SLC8A3: variants seen among roughly 807,000 people sequenced by gnomAD.
SLC8A3 encodes solute carrier family 8 member A3, also known as sodium/calcium exchanger 3.
Under a neutral mutation model 65.4 loss-of-function variants are expected in SLC8A3, and 37 were observed. The ratio of observed to expected loss-of-function variants is 0.57; its 90% confidence interval spans 0.44 to 0.74. The LOEUF (loss-of-function observed/expected upper bound fraction) is 0.74, where lower values mean the gene tolerates loss of function less well. Among genes scored for constraint, SLC8A3 ranks in the 30% least tolerant of loss-of-function variants. SLC8A3 has a pLI of 0.00. For missense variants in SLC8A3, 1,112 were observed against 1,172.1 expected (o/e 0.95, Z 0.75); for synonymous variants, 461 against 444.5 (o/e 1.04, Z -0.47).
chr14:70,179,761 A>G lies in SLC8A3; in HGVS notation c.-63+8618T>C, dbSNP rs142476988. 2.6e-3 allele frequency among the ~76,000 whole-genome samples: 389 copies of G among 152,326 alleles called. 3 individuals are homozygous for G. The highest frequency in any genetic ancestry group is 8.9e-3 in the African/African-American group (369 of 41,578). The stretch of plus-strand genomic sequence containing the variant: ...TTATACTGCATCATTCATTCAATAA[A>G]TATTAAACAATGCTATGTGCCAGGG... On this transcript the variant is annotated intron_variant, in intron 1 of 6. Coordinates refer to ENST00000356921, the MANE Select transcript of SLC8A3 (RefSeq NM_182932.3).
At chr14:70,184,520 C>A (rs920340427) in intron 1 of SLC8A3, among the ~76,000 whole-genome samples, 1 of 152,196 alleles carries the variant, frequency 6.6e-6, no homozygotes, top group Non-Finnish European at 1.5e-5. Context: ...ACTCTCCTCT[C>A]CTCTTTACTT....
In SLC8A3 at chr14:70,046,334, A is replaced by G. The variant is rs764499536; in HGVS notation, c.2390-11T>C. 22 of 1,593,172 alleles carry G rather than the reference A, an allele frequency of 1.4e-5. No individual in the cohort carries two copies. Among genetic ancestry groups the G allele is most frequent in the Non-Finnish European group, 1.7e-5 (20 of 1,168,456 alleles). ...TGCTGGCAAACGTATCTGGAAAAGG[A>G]CAAAGACACATGGGAACTGGTAGGA... On this transcript the variant is annotated splice_polypyrimidine_tract_variant and intron_variant, in intron 6 of 6. Coordinates refer to ENST00000356921, the MANE Select transcript of SLC8A3 (RefSeq NM_182932.3). This position sits in a 1 kb window ranked among gnomAD's most constrained non-coding sequence, Gnocchi z 4.2.
rs145904628 is a variant in SLC8A3 at position 70,175,511 on chromosome 14, T to C, written c.-62-7027A>G. Among the ~76,000 whole-genome samples, 12 of 152,250 alleles carry C rather than the reference T, an allele frequency of 7.9e-5. No individual in the cohort carries two copies. In the East Asian group the frequency reaches 1.4e-3, roughly 17 times the overall value. ...ATCAAGATCCCTTAGGTGAAGAACT[T>C]TGGGCTCCAGAAAGTTCTGTGTCTT... On this transcript the variant is annotated intron_variant, in intron 1 of 6. Transcript: ENST00000356921.
intron 2 of SLC8A3, among the ~76,000 whole-genome samples, chr14:70,081,117 A>T (rs1891017023): frequency 6.6e-6 from 1 of 152,234 alleles, no homozygotes; most frequent in Non-Finnish European, 1.5e-5. Flanking sequence ...AGCGGATACA[A>T]GCCGAGACAC....
Position 70,079,211 on chromosome 14 carries a change from C to T in SLC8A3, c.1785-18272G>A, listed in dbSNP as rs973757484. 9.9e-5 allele frequency among the ~76,000 whole-genome samples: 15 copies of T among 151,548 alleles called. No individual in the cohort carries two copies. The South Asian group carries it at 1.2e-3, about 13-fold the overall frequency. ...AATATCTGTTGAATGAGGCTAGGCACGGTAGCTCACACCTGTAACCACAGC... is the reference window on the plus strand; with the variant it reads ...AATATCTGTTGAATGAGGCTAGGCATGGTAGCTCACACCTGTAACCACAGC... On this transcript the variant is annotated intron_variant, in intron 2 of 6. Coordinates refer to ENST00000356921, the MANE Select transcript of SLC8A3 (RefSeq NM_182932.3).
intron 2 of SLC8A3, among the ~76,000 whole-genome samples, chr14:70,151,499 G>A (rs912059325): frequency 1.7e-5 from 2 of 119,180 alleles, no homozygotes; most frequent in African/African-American, 7.3e-5. Flanking sequence ...CCTGCCTTGA[G>A]AGCTGTGGGT....
intron 1 of SLC8A3, among the ~76,000 whole-genome samples, chr14:70,182,612 T>G (rs1388975546): frequency 6.6e-6 from 1 of 152,056 alleles, no homozygotes; most frequent in African/African-American, 2.4e-5. Context: ...CATTATATTT[T>G]GGGGAATGAG....
At chr14:70,097,527 C>A (rs188891560) in intron 2 of SLC8A3, among the ~76,000 whole-genome samples, 73 of 152,228 alleles carry the variant, frequency 4.8e-4, no homozygotes, top group African/African-American at 1.7e-3. Context: ...AATGAGTTTC[C>A]CAACCTCTCT....
At chr14:70,072,084 A>G (rs1029911527) in intron 2 of SLC8A3, among the ~76,000 whole-genome samples, 1 of 152,200 alleles carries the variant, frequency 6.6e-6, no homozygotes, top group Non-Finnish European at 1.5e-5. Flanking sequence ...TACTGACAGT[A>G]AAGAGCTGAC....
intron 2 of SLC8A3, among the ~76,000 whole-genome samples, chr14:70,091,601 G>A (rs112044414): frequency 6.6e-6 from 1 of 152,018 alleles, no homozygotes; most frequent in East Asian, 1.9e-4. Context: ...ATCTGGTGTC[G>A]GAGCCACGCA....
chr14:70,116,003 C>T (rs982973940), intron 2 of SLC8A3, among the ~76,000 whole-genome samples: 1 of 152,130 alleles, frequency 6.6e-6, no homozygotes, highest in Non-Finnish European at 1.5e-5. Context: ...CAGACGCCTT[C>T]CAATGCCAGG....
At position 70,167,235 on chromosome 14, in the gene SLC8A3, G is replaced by C; in HGVS notation, c.1188C>G (p.Ser396=). The C allele has an allele frequency of 6.2e-7, 1 of 1,614,150 alleles. No individual in the cohort carries two copies. Among genetic ancestry groups the C allele is most frequent in the East Asian group, 2.2e-5 (1 of 44,882 alleles). Residue 396 remains serine, a synonymous_variant, in exon 2 of 7, where the codon TCC becomes TCG. Transcript: ENST00000356921. ...VHTDEPEDFI[S]KVFFDPCSYQ... ...AAGAACATGGGTCAAAGAAGACCTT[G>C]GAAATAAAGTCCTCAGGCTCATCGG... is the stretch of plus-strand genomic sequence containing the variant.
At chr14:70,070,451 T>G (rs1889904033) in intron 2 of SLC8A3, among the ~76,000 whole-genome samples, 1 of 152,156 alleles carries the variant, frequency 6.6e-6, no homozygotes, top group Non-Finnish European at 1.5e-5. Context: ...TATAACTAAA[T>G]AAGTGGCAGA....
chr14:70,145,393 C>T (rs1283444372), intron 2 of SLC8A3, among the ~76,000 whole-genome samples: 6 of 152,206 alleles, frequency 3.9e-5, no homozygotes, highest in African/African-American at 1.4e-4. Flanking sequence ...GAAAAGACAA[C>T]GGTGCCAACT....
intron 2 of SLC8A3, among the ~76,000 whole-genome samples, chr14:70,121,648 G>C (rs1408742200): frequency 1.3e-5 from 2 of 152,164 alleles, no homozygotes; most frequent in Non-Finnish European, 2.9e-5. Context: ...GGAAGAACCA[G>C]TGGTTACCTT....
intron 5 of SLC8A3, among the ~76,000 whole-genome samples, chr14:70,050,639 C>T (rs1887387894): frequency 6.6e-6 from 1 of 152,032 alleles, no homozygotes; most frequent in African/African-American, 2.4e-5. Flanking sequence ...TACAGAAGAG[C>T]GGGACCAAAC....
chr14:70,093,510 C>T (rs1471805194), intron 2 of SLC8A3, among the ~76,000 whole-genome samples: 1 of 152,208 alleles, frequency 6.6e-6, no homozygotes, highest in African/African-American at 2.4e-5. Flanking sequence ...GATGAGACAA[C>T]ACATACGGCA....
chr14:70,158,375 AC>A (rs1185433864), intron 2 of SLC8A3, among the ~76,000 whole-genome samples: 1 of 152,150 alleles, frequency 6.6e-6, no homozygotes, highest in Non-Finnish European at 1.5e-5. Flanking sequence ...ATGGGGAGAA[AC>A]CTAAAAGGTC....
intron 2 of SLC8A3, among the ~76,000 whole-genome samples, chr14:70,142,394 T>C (rs1357937931): frequency 6.6e-6 from 1 of 152,246 alleles, no homozygotes; most frequent in East Asian, 1.9e-4. Context: ...ATAGTCATCA[T>C]TTGATCACCA....
Sources: allele counts gnomAD v4.1 joint callset (sites outside exome capture counted in the v4.1 genomes callset), GRCh38; gene constraint gnomAD v4.1.1; non-coding constraint Gnocchi (gnomAD v3.1); transcripts MANE v1.5; gene names NCBI Gene and HGNC (gene_info 2026-07-23, HGNC 2026-07-21).